Variants in MARCHF1 observed in about 807,000 individuals in gnomAD.
The protein encoded by MARCHF1 is E3 ubiquitin-protein ligase MARCHF1.
In MARCHF1, 40 loss-of-function variants were observed where a neutral mutation model predicts 54.2. The ratio of observed to expected loss-of-function variants is 0.74; its 90% CI spans 0.57 to 0.96. MARCHF1 has a LOEUF of 0.96. Ranked by LOEUF, MARCHF1 falls within the 40% of genes least tolerant of loss-of-function variation. MARCHF1 has a pLI of 0.00. For synonymous variants in MARCHF1, 236 were observed against 236.3 expected (o/e 1.00, Z 0.01); for missense variants, 586 against 656.5 (o/e 0.89, Z 1.17).
At chr4:164,310,949 C>G (rs1355453383) in intron 1 of MARCHF1, among the ~76,000 whole-genome samples, 1 of 152,162 alleles carries the variant, frequency 6.6e-6, no homozygotes, top group East Asian at 1.9e-4. Context: ...GAACCTACTT[C>G]TAAGATTGTG....
At chr4:164,008,788 G>A (rs1753352836) in intron 2 of MARCHF1, among the ~76,000 whole-genome samples, 3 of 151,860 alleles carry the variant, frequency 2.0e-5, no homozygotes, top group Admixed American at 2.0e-4. Flanking sequence ...TGAAACAAAT[G>A]AAAAGGAATA....
At chr4:163,615,409 C>T (rs1404384943) in intron 5 of MARCHF1, among the ~76,000 whole-genome samples, 1 of 151,918 alleles carries the variant, frequency 6.6e-6, no homozygotes, top group Non-Finnish European at 1.5e-5. Flanking sequence ...ATACAAAAAT[C>T]AATAGTGTTT....
chr4:163,855,943 C>A (rs1749758569), intron 3 of MARCHF1, among the ~76,000 whole-genome samples: 1 of 152,166 alleles, frequency 6.6e-6, no homozygotes, highest in African/African-American at 2.4e-5. Context: ...GGATAACTTT[C>A]ATTTTTGATG....
At chr4:164,152,676 C>T (rs1050602268) in intron 1 of MARCHF1, among the ~76,000 whole-genome samples, 7 of 152,098 alleles carry the variant, frequency 4.6e-5, no homozygotes, top group African/African-American at 1.7e-4. Context: ...GAGCCAGGCA[C>T]CCTTTCAAGT....
At chr4:163,640,621 G>A (rs1481061228) in intron 5 of MARCHF1, among the ~76,000 whole-genome samples, 2 of 152,012 alleles carry the variant, frequency 1.3e-5, no homozygotes, top group Non-Finnish European at 2.9e-5. Context: ...TTTCTACCAT[G>A]TTCATACCAA....
intron 1 of MARCHF1, among the ~76,000 whole-genome samples, chr4:164,340,357 C>T (rs1729877553): frequency 7.0e-6 from 1 of 142,588 alleles, no homozygotes; most frequent in Non-Finnish European, 1.5e-5. Flanking sequence ...CCACCTCACT[C>T]AGCCCCCCGA....
chr4:164,118,629 A>G (rs1755991834), intron 1 of MARCHF1, among the ~76,000 whole-genome samples: 1 of 151,792 alleles, frequency 6.6e-6, no homozygotes, highest in East Asian at 1.9e-4. Context: ...TTTTTTCACA[A>G]AATAAAATTC....
intron 1 of MARCHF1, among the ~76,000 whole-genome samples, chr4:164,294,968 T>A (rs1231034741): frequency 6.6e-6 from 1 of 152,054 alleles, no homozygotes; most frequent in Non-Finnish European, 1.5e-5. Context: ...CTACCTAGGG[T>A]CTCTGGCTGG....
At chr4:163,693,777 A>G (rs1744535334) in intron 5 of MARCHF1, among the ~76,000 whole-genome samples, 1 of 152,222 alleles carries the variant, frequency 6.6e-6, no homozygotes, top group Non-Finnish European at 1.5e-5. Context: ...TCCAGTAGGC[A>G]GAGCAGCAAT....
chr4:163,772,861 G>A (rs1261409423), intron 4 of MARCHF1, among the ~76,000 whole-genome samples: 2 of 152,014 alleles, frequency 1.3e-5, no homozygotes, highest in Non-Finnish European at 2.9e-5. Flanking sequence ...AATTCTGCCT[G>A]CTGCACATTG....
intron 2 of MARCHF1, among the ~76,000 whole-genome samples, chr4:164,050,808 C>T (rs1380430577): frequency 6.6e-6 from 1 of 152,112 alleles, no homozygotes; most frequent in Non-Finnish European, 1.5e-5. Flanking sequence ...TGGTGCATGC[C>T]TGTAATCCCA....
Position 164,069,636 on chromosome 4 carries a change from A to G in MARCHF1, c.-248+41952T>C, listed in dbSNP as rs72983699. ...GAAGAAACTCCGAACACATCCGAAC[A>G]TCAGAAGGAACAAACTCTTTGGACA... On this transcript the variant is annotated intron_variant, in intron 2 of 9. Transcript: ENST00000514618. 6.0e-3 allele frequency among the ~76,000 whole-genome samples: 916 copies of G among 152,120 alleles called. 18 individuals are homozygous for G. The highest frequency in any genetic ancestry group is 0.021 in the African/African-American group (881 of 41,472).
chr4:164,320,522 C>A (rs1407681821), intron 1 of MARCHF1, among the ~76,000 whole-genome samples: 15 of 152,126 alleles, frequency 9.9e-5, no homozygotes, highest in African/African-American at 3.6e-4. Flanking sequence ...AGAGACACAG[C>A]AAGAAAACAC....
chr4:163,929,666 T>C (rs1204970983), intron 3 of MARCHF1, among the ~76,000 whole-genome samples: 2 of 151,446 alleles, frequency 1.3e-5, no homozygotes, highest in African/African-American at 4.9e-5. Context: ...GTAAATTGTA[T>C]GACAGTATCA....
At chr4:163,754,965 A>G (rs1746624549) in intron 4 of MARCHF1, among the ~76,000 whole-genome samples, 1 of 152,192 alleles carries the variant, frequency 6.6e-6, no homozygotes, top group South Asian at 2.1e-4. Context: ...CCCTAGTCTC[A>G]CTATCCATTT....
At chr4:163,853,489 G>A (rs960723201) in intron 4 of MARCHF1, among the ~76,000 whole-genome samples, 4 of 152,074 alleles carry the variant, frequency 2.6e-5, no homozygotes, top group East Asian at 1.9e-4. Flanking sequence ...TAAACTTATC[G>A]CAGAAAACAA....
At chr4:163,825,386 T>G (rs1021569399) in intron 4 of MARCHF1, among the ~76,000 whole-genome samples, 6 of 152,090 alleles carry the variant, frequency 3.9e-5, no homozygotes, top group Non-Finnish European at 5.9e-5. Flanking sequence ...CTGTTGTGAA[T>G]AGTGCTGTCA....
intron 4 of MARCHF1, among the ~76,000 whole-genome samples, chr4:163,787,139 A>AC (rs1747644756): frequency 6.6e-6 from 1 of 151,948 alleles, no homozygotes; most frequent in African/African-American, 2.4e-5. Flanking sequence ...AATTAAAAAA[A>AC]GGAGAAAAGA....
intron 2 of MARCHF1, among the ~76,000 whole-genome samples, chr4:164,033,825 G>A (rs180960654): frequency 8.5e-5 from 13 of 152,114 alleles, no homozygotes; most frequent in South Asian, 8.3e-4. Context: ...CATTGTTGGC[G>A]GGAATGTAAG....
Sources: allele counts gnomAD v4.1 joint callset (sites outside exome capture counted in the v4.1 genomes callset), GRCh38; gene constraint gnomAD v4.1.1; transcripts MANE v1.5; gene names NCBI Gene and HGNC (gene_info 2026-07-23, HGNC 2026-07-21).